ADAM8: variants seen among roughly 807,000 people sequenced by gnomAD.
ADAM8 encodes disintegrin and metalloproteinase domain-containing protein 8.
In ADAM8, 104 loss-of-function variants were observed where a neutral mutation model predicts 102.4. The ratio of observed to expected loss-of-function variants is 1.02; its 90% CI spans 0.87 to 1.20. The LOEUF is 1.20. ADAM8 is among the 50% of genes most tolerant of loss of function. The pLI, the probability that ADAM8 is intolerant of heterozygous loss-of-function variation, is 0.00. For missense variants in ADAM8, 1,132 were observed against 1,159.0 expected (o/e 0.98, Z 0.34); for synonymous variants, 517 against 485.2 (o/e 1.07, Z -0.86).
At chr10:133,275,454 G>C in intron 2 of ADAM8, 30 bp downstream of exon 2, 1 of 1,489,066 alleles carries the variant, frequency 6.7e-7, no homozygotes, top group Admixed American at 2.3e-5. Flanking sequence ...GGGCCAGCCA[G>C]GGACCCTCCC....
In ADAM8 at chr10:133,273,257, G is replaced by C; in HGVS notation, c.570C>G (p.Pro190=). The change falls in exon 6 of 23, where the codon CCC becomes CCG. Residue 190 remains proline, a synonymous_variant. Transcript: ENST00000445355. ...PRTAAVFRPR[P]GDSLPSRETR... is the part of the protein sequence containing the mutation. ...CACAGGAGACAAGGGTGCTCACCCC[G>C]GGCCGAGGCCTGAAGACGGCTGCCG... 1.2e-6 allele frequency: 2 copies of C among 1,602,164 alleles called. No individual in the cohort carries two copies. Among genetic ancestry groups the C allele is most frequent in the Non-Finnish European group, 1.7e-6 (2 of 1,175,664 alleles).
rs1564917810 is a variant in ADAM8, at chr10:133,263,197, T to TG, written c.2433dup (p.Ile812HisfsTer49). 5.6e-6 allele frequency: 9 copies of TG among 1,613,294 alleles called. No homozygotes were observed. The highest frequency in any genetic ancestry group is 7.6e-6 in the Non-Finnish European group (9 of 1,179,444). On this transcript the variant is annotated frameshift_variant, in exon 23 of 23. Transcript: ENST00000445355. LOFTEE classifies it low-confidence loss of function (END_TRUNC). The stretch of plus-strand genomic sequence containing the variant: ...GCTCCGGCTCCTTGCTTCCTCTGGA[T>TG]GGGGGGCTTCAGGGCAACCTTTGGG...
intron 22 of ADAM8, 135 bp from the exon 23 acceptor site, chr10:133,263,368 C>G: frequency 1.2e-6 from 1 of 853,804 alleles, no homozygotes; most frequent in East Asian, 2.7e-5. Flanking sequence ...CAACATGGCC[C>G]ATGCACACAA....
intron 1 of ADAM8, chr10:133,275,941 G>A (rs182397044): frequency 4.3e-4 from 103 of 238,216 alleles, no homozygotes; most frequent in African/African-American, 2.1e-3. Flanking sequence ...TCGGGCCGCC[G>A]ACCTGCCCGT....
chr10:133,263,723 G>C lies in ADAM8; in HGVS notation c.2362C>G (p.Pro788Ala). The C allele has an allele frequency of 6.4e-7, 1 of 1,572,908 alleles. No individual in the cohort carries two copies. Among genetic ancestry groups the C allele is most frequent in the Non-Finnish European group, 8.6e-7 (1 of 1,159,450 alleles). The change falls in exon 22 of 23, where the codon CCC (proline) becomes GCC (alanine). Residue 788 changes from proline to alanine, a missense_variant. Physicochemically the swap from Pro to Ala is conservative, Grantham distance 27. Coordinates refer to ENST00000445355, the MANE Select transcript of ADAM8 (RefSeq NM_001109.5). ...TFAPPVPPVK[P>A]GAGAANPGPA... ...CCAGGGTTGGCCGCACCAGCCCCGG[G>C]TTTGACTGGGGGCACTGGGGGTGCG...
In ADAM8 at chr10:133,270,737, T is replaced by G; in HGVS notation, c.1633A>C (p.Arg545=). 1 of 1,602,814 alleles carries G rather than the reference T, an allele frequency of 6.2e-7. No homozygotes were observed. The change falls in exon 15 of 23, where the codon AGG becomes CGG. Residue 545 remains arginine (R), a splice_region_variant and synonymous_variant. Transcript: ENST00000445355. ...ILPGCKASRY[R]ADMCGVLQCK... is the part of the protein sequence containing the mutation. ...GGGCCCAGGGCGGTCTCAGCTCACC[T>G]GTACCGGCTGGCCTTGCAGCCTGGT...
intron 9 of ADAM8, 48 bp downstream of exon 9, chr10:133,272,368 C>CGG: frequency 1.2e-6 from 1 of 860,692 alleles, no homozygotes; most frequent in Non-Finnish European, 1.8e-6. Flanking sequence ...CCACCCTGCC[C>CGG]GCCCTCCCTC....
At chr10:133,270,617 G>T in intron 15 of ADAM8, 107 bp from the exon 16 acceptor site, 1 of 1,535,282 alleles carries the variant, frequency 6.5e-7, no homozygotes, top group South Asian at 1.2e-5. Context: ...GCTTGAGCCT[G>T]GGGTCCATGG....
intron 16 of ADAM8, 95 bp downstream of exon 16, chr10:133,270,265 G>A (rs1000248904): frequency 8.8e-6 from 13 of 1,470,010 alleles, no homozygotes; most frequent in East Asian, 4.6e-5. Context: ...CCATGGCCTC[G>A]AGCAGCTGCC....
chr10:133,272,388 C>T, intron 9 of ADAM8, 28 bp downstream of exon 9: 1 of 1,497,276 alleles, frequency 6.7e-7, no homozygotes, highest in Non-Finnish European at 9.0e-7. Flanking sequence ...CCCCAGCCCT[C>T]CCCACCCTGC....
chr10:133,267,156 G>C (rs1001426999), intron 21 of ADAM8, among the ~76,000 whole-genome samples, 196 bp downstream of exon 21: 18 of 152,192 alleles, frequency 1.2e-4, no homozygotes, highest in African/African-American at 4.3e-4. Flanking sequence ...GGGCAGGACT[G>C]AGCTCCTGCC....
Position 133,270,492 on chromosome 10 carries a change from A to G in ADAM8, c.1653T>C (p.Val551=), listed in dbSNP as rs376356000. Residue 551 remains valine (V), a synonymous_variant, in exon 16 of 23, where the codon GTT becomes GTC. Transcript: ENST00000445355. ...ASRYRADMCG[V]LQCKGGQQPL... Reference sequence around the variant, plus strand: ...GCTGCTGCCCACCCTTGCACTGCAGAACGCCACACATGTCAGCCCTGTGGA... The same window carrying G: ...GCTGCTGCCCACCCTTGCACTGCAGGACGCCACACATGTCAGCCCTGTGGA... 289 of 1,597,498 alleles carry G rather than the reference A, an allele frequency of 1.8e-4. No individual in the cohort carries two copies. Among genetic ancestry groups the G allele is most frequent in the Non-Finnish European group, 2.3e-4 (263 of 1,167,924 alleles).
intron 17 of ADAM8, 75 bp from the exon 18 acceptor site, chr10:133,269,604 G>T: frequency 2.1e-6 from 3 of 1,403,718 alleles, no homozygotes; most frequent in Non-Finnish European, 2.8e-6. Flanking sequence ...CCTCCAGCAT[G>T]AGGGCCCCGG....
Position 133,271,819 on chromosome 10 carries a change from C to A in ADAM8, c.1093G>T (p.Ala365Ser). The change falls in exon 11 of 23, where the codon GCG (alanine) becomes TCG (serine). Residue 365 changes from alanine to serine, a missense_variant. Ala to Ser is a moderately conservative substitution (Grantham distance 99). Transcript: ENST00000445355. ...ERFEAGRCIM[A>S]GSIGSSFPRM... ...TGGCCGCCTCACCCAATGCTGCCCG[C>A]CATGATGCAGCGGCCGGCCTCGAAG... 1.2e-6 allele frequency: 2 copies of A among 1,611,976 alleles called. No individual in the cohort carries two copies. The highest frequency in any genetic ancestry group is 8.5e-7 in the Non-Finnish European group (1 of 1,179,462).
At chr10:133,275,769 C>A in intron 1 of ADAM8, 182 bp from the exon 2 acceptor site, 1 of 520,524 alleles carries the variant, frequency 1.9e-6, no homozygotes, top group East Asian at 3.5e-5. Flanking sequence ...AGGAGCGCCC[C>A]CAGGCATGGC....
intron 22 of ADAM8, 115 bp from the exon 23 acceptor site, chr10:133,263,348 C>T: frequency 9.7e-7 from 1 of 1,029,706 alleles, no homozygotes; most frequent in South Asian, 1.7e-5. Context: ...ATTCTTGGTT[C>T]ATCCACCAAC....
intron 22 of ADAM8, 68 bp downstream of exon 22, chr10:133,263,620 C>CAGCCCCGTGGGGAGGCCGTGCCACTGTT: frequency 6.9e-7 from 1 of 1,459,054 alleles, no homozygotes; most frequent in Non-Finnish European, 9.1e-7. Context: ...GTGCCACCGT[C>CAGCCCCGTGGGGAGGCCGTGCCACTGTT]AGCCCCGTGG....
chr10:133,270,460 C>T lies in ADAM8; in HGVS notation c.1685G>A (p.Gly562Glu). 6.2e-7 allele frequency: 1 copy of T among 1,604,940 alleles called. No individual in the cohort carries two copies. Among genetic ancestry groups the T allele is most frequent in the South Asian group, 1.1e-5 (1 of 90,838 alleles). Residue 562 changes from glycine (G) to glutamate (E), a missense_variant, in exon 16 of 23, where the codon GGG becomes GAG. Transcript: ENST00000445355. ...LQCKGGQQPL[G>E]RAICIVDVCH... is the part of the protein sequence containing the mutation. ...CACATCCACGATGCAGATGGCACGC[C>T]CCAGGGGCTGCTGCCCACCCTTGCA...
chr10:133,275,369 AG>A (rs1846713961), intron 2 of ADAM8, 114 bp downstream of exon 2: 5 of 761,192 alleles, frequency 6.6e-6, no homozygotes, highest in Non-Finnish European at 1.1e-5. Flanking sequence ...AGAGCTGTAC[AG>A]GGCAGCCCCA....
Sources: allele counts gnomAD v4.1 joint callset (sites outside exome capture counted in the v4.1 genomes callset), GRCh38; gene constraint gnomAD v4.1.1; transcripts MANE v1.5; gene names NCBI Gene and HGNC (gene_info 2026-07-23, HGNC 2026-07-21).